Variants in CCDC178 observed in about 807,000 individuals in gnomAD.
CCDC178 encodes coiled-coil domain-containing protein 178.
Under a neutral mutation model 117.4 loss-of-function variants are expected in CCDC178, and 126 were observed. That is an observed-to-expected ratio of 1.07 (90% CI 0.93 to 1.24). CCDC178 has a LOEUF of 1.24. CCDC178 is among the 50% of genes most tolerant of loss of function. CCDC178 has a pLI of 0.00. For missense variants in CCDC178, 1,030 were observed against 986.9 expected (o/e 1.04, Z -0.59); for synonymous variants, 283 against 313.4 (o/e 0.90, Z 1.02).
At chr18:33,069,619 G>T (rs1260481494) in intron 21 of CCDC178, among the ~76,000 whole-genome samples, 1 of 152,044 alleles carries the variant, frequency 6.6e-6, no homozygotes, top group Admixed American at 6.5e-5. Flanking sequence ...TCTAGGCAAA[G>T]ATTTTATGGC....
intron 21 of CCDC178, among the ~76,000 whole-genome samples, chr18:33,030,660 G>T (rs914196479): frequency 6.6e-6 from 1 of 151,840 alleles, no homozygotes; most frequent in Non-Finnish European, 1.5e-5. Flanking sequence ...GATGATAGAT[G>T]ATAGATAAGA....
intron 11 of CCDC178, among the ~76,000 whole-genome samples, chr18:33,322,706 ATTTCT>A (rs1445394735): frequency 6.6e-6 from 1 of 151,656 alleles, no homozygotes; most frequent in Non-Finnish European, 1.5e-5. Flanking sequence ...TATAAAAGAG[ATTTCT>A]TTATTAACTA....
At chr18:32,980,040 G>A (rs1025173837) in intron 21 of CCDC178, among the ~76,000 whole-genome samples, 1 of 151,840 alleles carries the variant, frequency 6.6e-6, no homozygotes, top group African/African-American at 2.4e-5. Context: ...GAAAATAAAA[G>A]TAAAGTAGAT....
intron 21 of CCDC178, among the ~76,000 whole-genome samples, chr18:33,060,551 T>G (rs1305603434): frequency 6.6e-6 from 1 of 152,070 alleles, no homozygotes. Flanking sequence ...TTACATTTTT[T>G]TTTTTAATTT....
intron 20 of CCDC178, among the ~76,000 whole-genome samples, chr18:33,178,462 T>G (rs1170412965): frequency 6.6e-6 from 1 of 152,142 alleles, no homozygotes; most frequent in Non-Finnish European, 1.5e-5. Context: ...CAATCACAAT[T>G]CAGTCTTCAC....
chr18:33,112,948 C>G (rs1467012620), intron 20 of CCDC178, among the ~76,000 whole-genome samples: 1 of 151,988 alleles, frequency 6.6e-6, no homozygotes, highest in Non-Finnish European at 1.5e-5. Flanking sequence ...CCTAACTTGG[C>G]TAATCCCTAG....
chr18:32,956,765 CTTCCTTTCTTCA>C (rs2054603531), intron 22 of CCDC178: 1 of 152,214 alleles, frequency 6.6e-6, no homozygotes, highest in Non-Finnish European at 1.5e-5. Context: ...TGCAGCGCAG[CTTCCTTTCTTCA>C]CAAAATGACT....
intron 10 of CCDC178, among the ~76,000 whole-genome samples, chr18:33,332,262 G>T (rs1374383942): frequency 3.3e-5 from 5 of 152,018 alleles, no homozygotes; most frequent in African/African-American, 1.2e-4. Context: ...GATTGTCTTT[G>T]GTAAAGGAGG....
At chr18:33,118,461 C>T (rs1037070179) in intron 20 of CCDC178, among the ~76,000 whole-genome samples, 17 of 152,106 alleles carry the variant, frequency 1.1e-4, no homozygotes, top group African/African-American at 1.7e-4. Context: ...CATGATATAA[C>T]TCTGCTGATC....
At chr18:33,147,921 C>T (rs2058290391) in intron 20 of CCDC178, among the ~76,000 whole-genome samples, 1 of 152,146 alleles carries the variant, frequency 6.6e-6, no homozygotes, top group Non-Finnish European at 1.5e-5. Flanking sequence ...AGAGGGGCTC[C>T]TCACTTCCCA....
At chr18:33,132,713 T>C (rs534413985) in intron 20 of CCDC178, among the ~76,000 whole-genome samples, 1 of 151,824 alleles carries the variant, frequency 6.6e-6, no homozygotes, top group South Asian at 2.1e-4. Flanking sequence ...CACAATTTTT[T>C]CTAAATAGTG....
intron 14 of CCDC178, among the ~76,000 whole-genome samples, chr18:33,246,339 T>G (rs1275406978): frequency 6.6e-6 from 1 of 151,730 alleles, no homozygotes; most frequent in African/African-American, 2.4e-5. Context: ...GCAGGATGGG[T>G]CTGAGAATAG....
chr18:33,139,772 C>T (rs1402092893), intron 20 of CCDC178, among the ~76,000 whole-genome samples: 1 of 152,118 alleles, frequency 6.6e-6, no homozygotes, highest in Non-Finnish European at 1.5e-5. Flanking sequence ...AACCCATTTT[C>T]TGAGGAGAAT....
chr18:33,257,000 G>T (rs1360104308), intron 14 of CCDC178, among the ~76,000 whole-genome samples: 1 of 151,966 alleles, frequency 6.6e-6, no homozygotes, highest in Non-Finnish European at 1.5e-5. Flanking sequence ...AATTTTTGCT[G>T]ATAAATTAAG....
At chr18:33,223,354 C>CA (rs1429357529) in intron 17 of CCDC178, 135 bp from the exon 18 acceptor site, 1 of 1,021,706 alleles carries the variant, frequency 9.8e-7, no homozygotes, top group African/African-American at 1.7e-5. Flanking sequence ...AACCATCACA[C>CA]ATAAATTACA....
chr18:33,007,850 C>T (rs1330796769), intron 21 of CCDC178, among the ~76,000 whole-genome samples: 3 of 152,048 alleles, frequency 2.0e-5, no homozygotes, highest in Non-Finnish European at 4.4e-5. Flanking sequence ...AATTTCAGTC[C>T]TTCCTAATGT....
At chr18:33,348,069 T>G (rs1326311655) in intron 8 of CCDC178, among the ~76,000 whole-genome samples, 1 of 152,014 alleles carries the variant, frequency 6.6e-6, no homozygotes, top group Non-Finnish European at 1.5e-5. Context: ...ATCTATTTTT[T>G]CTCAGCATTT....
intron 20 of CCDC178, among the ~76,000 whole-genome samples, chr18:33,178,626 A>G (rs1162167441): frequency 4.6e-5 from 7 of 152,102 alleles, no homozygotes; most frequent in Non-Finnish European, 1.5e-5. Flanking sequence ...CTCCCACTAC[A>G]TGGCCATGCT....
At chr18:33,358,658 A>C (rs975905427) in intron 6 of CCDC178, among the ~76,000 whole-genome samples, 3 of 152,046 alleles carry the variant, frequency 2.0e-5, no homozygotes, top group South Asian at 2.1e-4. Flanking sequence ...CAAATCTCCA[A>C]AGAAAAATTA....
Sources: allele counts gnomAD v4.1 joint callset (sites outside exome capture counted in the v4.1 genomes callset), GRCh38; gene constraint gnomAD v4.1.1; transcripts MANE v1.5; gene names NCBI Gene and HGNC (gene_info 2026-07-23, HGNC 2026-07-21).